Variants in RDM1 observed in about 807,000 individuals in gnomAD.
RDM1 encodes RAD52 motif containing 1.
A neutral mutation model predicts 27.7 loss-of-function variants in RDM1; 28 were observed. The observed-to-expected ratio is 1.01, with a 90% CI of 0.75 to 1.39. The LOEUF is 1.39. Ranked by LOEUF, RDM1 falls within the 40% of genes most tolerant of loss-of-function variation. RDM1 has a pLI of 0.00. For synonymous variants in RDM1, 124 were observed against 127.5 expected, an observed-to-expected ratio of 0.97 and a Z score of 0.19; for missense variants, 277 against 337.3, an observed-to-expected ratio of 0.82 and a Z score of 1.40.
At chr17:35,923,498 A>C (rs1260170013) in intron 4 of RDM1, among the ~76,000 whole-genome samples, 1 of 152,002 alleles carries the variant, frequency 6.6e-6, no homozygotes, top group Non-Finnish European at 1.5e-5. Flanking sequence ...TCTAATAAAA[A>C]TACAACCACA....
chr17:35,921,888 G>A (rs1055533392), intron 5 of RDM1, among the ~76,000 whole-genome samples: 1 of 150,796 alleles, frequency 6.6e-6, no homozygotes, highest in African/African-American at 2.4e-5. Context: ...AATCTCTCTG[G>A]CTATAAGACC....
At position 35,924,670 on chromosome 17, in the gene RDM1, G is replaced by C. The variant is rs768365913; in HGVS notation, c.502C>G (p.Pro168Ala). Residue 168 changes from proline (P) to alanine (A), a missense_variant, in exon 4 of 7, where the codon CCA becomes GCA. Transcript: ENST00000620284. ...CCAGGACTCCTGCAATCACAGGATGGCAACACCACTTCTAAAGCACAGAAG... is the reference window on the plus strand; with the variant it reads ...CCAGGACTCCTGCAATCACAGGATGCCAACACCACTTCTAAAGCACAGAAG... Reference protein sequence around the residue: ...KFFCALEVVLPSCDCRSPGIG... With the variant: ...KFFCALEVVLASCDCRSPGIG... The C allele has an allele frequency of 1.9e-6, 3 of 1,614,048 alleles. No individual in the cohort carries two copies. The highest frequency in any genetic ancestry group is 2.5e-6 in the Non-Finnish European group (3 of 1,179,980).
Position 35,930,154 on chromosome 17 carries a change from CTT to C in RDM1, c.196_197del (p.Lys66ValfsTer34), listed in dbSNP as rs769923452. ...TGTGGGCAGCCCTTGCAGAATAAAA[CTT>C]AATGACGGCATAGAAACCAGGATGG... ...VAHPGFYAVI[K>X]FYSARAAHRA... On this transcript the variant is annotated frameshift_variant, in exon 2 of 7. Coordinates refer to ENST00000620284, the MANE Select transcript of RDM1 (RefSeq NM_145654.4). LOFTEE classifies it high-confidence loss of function. 6.8e-6 allele frequency: 11 copies of C among 1,614,090 alleles called. No individual in the cohort carries two copies. Among genetic ancestry groups the C allele is most frequent in the Admixed American group, 1.7e-5 (1 of 59,996 alleles).
intron 5 of RDM1, 141 bp downstream of exon 5, chr17:35,922,436 G>A (rs1355177516): frequency 2.0e-6 from 2 of 1,018,474 alleles, no homozygotes; most frequent in Non-Finnish European, 2.7e-6. Flanking sequence ...ATTTGAGCCT[G>A]TTGGTGTGAA....
In RDM1 at chr17:35,930,216, A is replaced by G. The variant is rs1039656984; in HGVS notation, c.136T>C (p.Tyr46His). ...GCATTTGGGAAGACCCGGACTGAATACAGAAGGCCAAACTGAGAAAATGCT... is the reference window on the plus strand; with the variant it reads ...GCATTTGGGAAGACCCGGACTGAATGCAGAAGGCCAAACTGAGAAAATGCT... ...FTAFSQFGLLYSVRVFPNAAV... is the reference protein window; with the variant it reads ...FTAFSQFGLLHSVRVFPNAAV... Residue 46 changes from tyrosine (Y) to histidine (H), a missense_variant, in exon 2 of 7, where the codon TAT (tyrosine) becomes CAT (histidine). Transcript: ENST00000620284. 1.2e-6 allele frequency: 2 copies of G among 1,614,026 alleles called. No individual in the cohort carries two copies. Among genetic ancestry groups the G allele is most frequent in the Non-Finnish European group, 1.7e-6 (2 of 1,180,036 alleles).
chr17:35,924,124 G>A (rs138179968), intron 4 of RDM1, among the ~76,000 whole-genome samples: 3,935 of 152,140 alleles, frequency 0.026, 80 homozygotes, highest in East Asian at 0.11. Flanking sequence ...AAGAGGCTGA[G>A]GCAGGAGGAT....
At chr17:35,924,548 G>T in intron 4 of RDM1, 56 bp downstream of exon 4, 1 of 1,526,202 alleles carries the variant, frequency 6.6e-7, no homozygotes. Flanking sequence ...AAGAAAAAAA[G>T]AAAGATCCTT....
chr17:35,919,131 GAAA>G (rs2088847209), intron 6 of RDM1, among the ~76,000 whole-genome samples: 1 of 151,942 alleles, frequency 6.6e-6, no homozygotes, highest in African/African-American at 2.4e-5. Context: ...ATTTTACAGG[GAAA>G]AACTTCAAAA....
rs1296837100 is a variant in RDM1 at position 35,918,292 on chromosome 17, A to G, written c.*50T>C. ...GGGCGGCGTGGGGTAGGGGCACGAC[A>G]GAGCTTCCCAAGGAAGTTACATGAC... On this transcript the variant is annotated 3_prime_UTR_variant, in exon 7 of 7. Coordinates refer to ENST00000620284, the MANE Select transcript of RDM1 (RefSeq NM_145654.4). 1.3e-6 allele frequency: 2 copies of G among 1,534,478 alleles called. No individual in the cohort carries two copies. The highest frequency in any genetic ancestry group is 2.7e-5 in the African/African-American group (2 of 73,220).
chr17:35,930,181 G>C lies in RDM1; in HGVS notation c.171C>G (p.Ala57=). The part of the protein sequence containing the change: ...SVRVFPNAAV[A]HPGFYAVIKF... ...TAATGACGGCATAGAAACCAGGATG[G>C]GCCACTGCAGCATTTGGGAAGACCC... is the stretch of plus-strand genomic sequence containing the variant. The change falls in exon 2 of 7, where the codon GCC becomes GCG. Residue 57 remains alanine (A), a synonymous_variant. Coordinates refer to ENST00000620284, the MANE Select transcript of RDM1 (RefSeq NM_145654.4). 1 of 1,614,142 alleles carries C rather than the reference G, an allele frequency of 6.2e-7. No homozygotes were observed. The highest frequency in any genetic ancestry group is 8.5e-7 in the Non-Finnish European group (1 of 1,180,018).
rs765215434 is a variant in RDM1 at position 35,930,072 on chromosome 17, C to G, written c.276+4G>C. ...GGAGCTAGGAATTCCATATTTGGAC[C>G]CACCTTGACTGGAGATTTCTGAAAA... On this transcript the variant is annotated splice_donor_region_variant and intron_variant, in intron 2 of 6. Coordinates refer to ENST00000620284, the MANE Select transcript of RDM1 (RefSeq NM_145654.4). The G allele has an allele frequency of 1.6e-5, 25 of 1,609,734 alleles. No homozygotes were observed. The highest frequency in any genetic ancestry group is 1.7e-6 in the Non-Finnish European group (2 of 1,177,962).
In RDM1 at chr17:35,924,775, G is replaced by A; in HGVS notation, c.400-3C>T. The A allele has an allele frequency of 6.2e-7, 1 of 1,613,196 alleles. No homozygotes were observed. Among genetic ancestry groups the A allele is most frequent in the African/African-American group, 1.3e-5 (1 of 75,008 alleles). On this transcript the variant is annotated splice_region_variant and splice_polypyrimidine_tract_variant and intron_variant, in intron 3 of 6. Coordinates refer to ENST00000620284, the MANE Select transcript of RDM1 (RefSeq NM_145654.4). ...TCAAGGTCAGAAAGCTCCTGAAGCT[G>A]TAAGGATATTTAATGTAAGGTCCTT...
intron 5 of RDM1, 36 bp downstream of exon 5, chr17:35,922,541 A>G (rs1568390276): frequency 4.4e-6 from 7 of 1,591,954 alleles, no homozygotes; most frequent in Non-Finnish European, 6.0e-6. Context: ...GCTTACTGAA[A>G]CTGAAGTACT....
intron 4 of RDM1, among the ~76,000 whole-genome samples, chr17:35,923,090 G>C (rs894525443): frequency 6.6e-6 from 1 of 151,840 alleles, no homozygotes; most frequent in Non-Finnish European, 1.5e-5. Flanking sequence ...TGAGGCAGGT[G>C]GAGGCCAGGG....
chr17:35,921,391 T>G lies in RDM1; in HGVS notation c.668-1119A>C, dbSNP rs139064680. Reference sequence around the variant, plus strand: ...TCTGTGGTAACTTAATTAGGATCTCTCAGTCTCTAAGCCTTTAGGGCTGTG... The same window carrying G: ...TCTGTGGTAACTTAATTAGGATCTCGCAGTCTCTAAGCCTTTAGGGCTGTG... On this transcript the variant is annotated intron_variant, in intron 5 of 6. Coordinates refer to ENST00000620284, the MANE Select transcript of RDM1 (RefSeq NM_145654.4). 2.0e-5 allele frequency among the ~76,000 whole-genome samples: 3 copies of G among 152,360 alleles called. No homozygotes were observed. The East Asian group carries it at 5.8e-4, about 29-fold the overall frequency.
In RDM1 at chr17:35,918,231, C is replaced by G. The variant is rs773295796; in HGVS notation, c.*111G>C. On this transcript the variant is annotated 3_prime_UTR_variant, in exon 7 of 7. Transcript: ENST00000620284. The stretch of plus-strand genomic sequence containing the variant: ...CCAGGAAAGATTTGGGCGGCCGACC[C>G]AGGTGGTTCCAGGACTCCAGCAGCC... 1.3e-5 allele frequency: 11 copies of G among 875,012 alleles called. No homozygotes were observed. The highest frequency in any genetic ancestry group is 1.8e-5 in the Non-Finnish European group (10 of 542,692). The allele number at this position is 875,012 out of a possible 1,614,324, so 54.2% of individuals were successfully genotyped here. A position where few individuals can be genotyped will look rare whatever the true frequency, so the allele number is the denominator to read the frequency against.
rs1230749653 is a variant in RDM1, at chr17:35,924,619, C to A, written c.553G>T (p.Asp185Tyr). 3 of 1,613,708 alleles carry A rather than the reference C, an allele frequency of 1.9e-6. No individual in the cohort carries two copies. The highest frequency in any genetic ancestry group is 2.5e-6 in the Non-Finnish European group (3 of 1,179,704). ...GAAAACAGACCTTCCTCCACCTTAT[C>A]CATAGGCTCCTCCACCAAGCCAATG... ...PGIGLVEEPM[D>Y]KVEEGPLSFL... Residue 185 changes from aspartate to tyrosine, a missense_variant, in exon 4 of 7, where the codon GAT becomes TAT. Asp to Tyr is a radical substitution (Grantham distance 160). Coordinates refer to ENST00000620284, the MANE Select transcript of RDM1 (RefSeq NM_145654.4).
In RDM1 at chr17:35,930,229, C is replaced by G. The variant is rs769890154; in HGVS notation, c.123G>C (p.Gln41His). The change falls in exon 2 of 7, where the codon CAG becomes CAC. Residue 41 changes from glutamine (Q) to histidine (H), a missense_variant. Gln to His is a conservative substitution (Grantham distance 24). Coordinates refer to ENST00000620284, the MANE Select transcript of RDM1 (RefSeq NM_145654.4). Reference protein sequence around the residue: ...LHHSLFTAFSQFGLLYSVRVF... With the variant: ...LHHSLFTAFSHFGLLYSVRVF... Reference sequence around the variant, plus strand: ...CCCGGACTGAATACAGAAGGCCAAACTGAGAAAATGCTGTGAACAGAGAAT... The same window carrying G: ...CCCGGACTGAATACAGAAGGCCAAAGTGAGAAAATGCTGTGAACAGAGAAT... 9.6e-5 allele frequency: 155 copies of G among 1,614,006 alleles called. No homozygotes were observed. The highest frequency in any genetic ancestry group is 1.3e-4 in the Admixed American group (8 of 60,010).
rs2141958412 is a variant in RDM1 at position 35,930,720 on chromosome 17, T to C, written c.8A>G (p.Glu3Gly). ...GATGGGAACCGCAAAAGGTACCAAC[T>C]CCGCCATCCTCCCTTCACCGCACCT... MAELVPFAVPIES... is the reference protein window; with the variant it reads MAGLVPFAVPIES... The change falls in exon 1 of 7, where the codon GAG becomes GGG. Residue 3 changes from glutamate to glycine, a missense_variant. Glu to Gly is a moderately conservative substitution (Grantham distance 98, BLOSUM62 -2). Transcript: ENST00000620284. The C allele has an allele frequency of 1.9e-6, 3 of 1,613,504 alleles. No homozygotes were observed. The highest frequency in any genetic ancestry group is 4.5e-5 in the East Asian group (2 of 44,796).
Sources: gnomAD v4.1 joint callset for allele counts (sites outside exome capture counted in the v4.1 genomes callset) on GRCh38, gnomAD v4.1.1 for gene constraint, MANE v1.5 for transcripts, NCBI Gene and HGNC (gene_info 2026-07-23, HGNC 2026-07-21) for gene names.